The following NRXN1 variants were observed in gnomAD, a reference collection of about 807,000 sequenced individuals.
The protein encoded by NRXN1 is neurexin 1, also known as neurexin-1.
NRXN1 carries 39 observed loss-of-function variants against 150.9 expected under a neutral mutation model. The ratio of observed to expected loss-of-function variants is 0.26; its 90% CI spans 0.20 to 0.34. NRXN1 has a LOEUF of 0.34. NRXN1 is among the 10% of genes least tolerant of loss of function. The pLI is 1.00. For missense variants in NRXN1, 1,815 were observed against 1,949.9 expected (o/e 0.93, Z 1.30); for synonymous variants, 924 against 757.0 (o/e 1.22, Z -3.62).
intron 19 of NRXN1, 36 bp from the exon 20 acceptor site, chr2:50,055,080 T>C (rs760151294): frequency 7.1e-7 from 1 of 1,404,684 alleles, no homozygotes; most frequent in South Asian, 1.3e-5. Context: ...TTGGTTAAAA[T>C]CTGTAAGGTC....
intron 17 of NRXN1, among the ~76,000 whole-genome samples, chr2:50,370,614 T>A (rs372203829): frequency 6.6e-6 from 1 of 152,094 alleles, no homozygotes; most frequent in African/African-American, 2.4e-5. Context: ...TCCTTCTAAA[T>A]TTTTTTCTAT....
At chr2:50,369,541 T>C (rs2079857470) in intron 17 of NRXN1, among the ~76,000 whole-genome samples, 1 of 152,058 alleles carries the variant, frequency 6.6e-6, no homozygotes, top group Non-Finnish European at 1.5e-5. Flanking sequence ...GTCTTCTATA[T>C]TCTGGTAGAA....
chr2:50,759,566 T>C (rs989240949), intron 5 of NRXN1, among the ~76,000 whole-genome samples: 1 of 151,856 alleles, frequency 6.6e-6, no homozygotes, highest in African/African-American at 2.4e-5. Context: ...AGACAATTTA[T>C]AAGAAAAAGC....
chr2:50,270,481 T>C (rs1320472006), intron 17 of NRXN1, among the ~76,000 whole-genome samples: 3 of 152,112 alleles, frequency 2.0e-5, no homozygotes. Flanking sequence ...TGGAGATCTT[T>C]ACTAATTAAA....
chr2:50,662,331 C>A (rs1687415735), intron 5 of NRXN1, among the ~76,000 whole-genome samples: 1 of 151,998 alleles, frequency 6.6e-6, no homozygotes, highest in Non-Finnish European at 1.5e-5. Flanking sequence ...CACATACCCC[C>A]ATTAGGTACC....
intron 5 of NRXN1, among the ~76,000 whole-genome samples, chr2:50,817,051 A>G (rs994015729): frequency 5.9e-5 from 9 of 152,092 alleles, no homozygotes; most frequent in African/African-American, 2.2e-4. Context: ...TGAGGAAGGC[A>G]CCATCTCTCC....
chr2:50,254,756 T>C (rs1360906885), intron 17 of NRXN1, among the ~76,000 whole-genome samples: 1 of 152,198 alleles, frequency 6.6e-6, no homozygotes, highest in Non-Finnish European at 1.5e-5. Context: ...CCTATGAAGA[T>C]GGCAGTAAGA....
chr2:50,593,179 A>G lies in NRXN1; in HGVS notation c.1320+26843T>C, dbSNP rs537397164. Among the ~76,000 whole-genome samples the G allele has an allele frequency of 2.0e-5, 3 of 152,318 alleles. No individual in the cohort carries two copies. The South Asian group carries it at 6.2e-4, about 32-fold the overall frequency. ...TGTGAAACTTATAAACTTAAGCATG[A>G]TTAGGTGAATGAATACTGTGGCGGG... On this transcript the variant is annotated intron_variant, in intron 8 of 22. Coordinates refer to ENST00000401669, the MANE Select transcript of NRXN1 (RefSeq NM_001330078.2).
At chr2:50,362,257 A>C (rs944599589) in intron 17 of NRXN1, among the ~76,000 whole-genome samples, 1 of 152,184 alleles carries the variant, frequency 6.6e-6, no homozygotes, top group Non-Finnish European at 1.5e-5. Context: ...CAGAAAAATC[A>C]GGCAAGAGAA....
chr2:50,848,944 A>T (rs1407820469), intron 5 of NRXN1, among the ~76,000 whole-genome samples: 1 of 152,218 alleles, frequency 6.6e-6, no homozygotes, highest in East Asian at 1.9e-4. Context: ...TAACGAAAGC[A>T]GGTCCCAGGC....
chr2:50,630,950 T>C (rs1412665451), intron 5 of NRXN1: 1 of 342,678 alleles, frequency 2.9e-6, no homozygotes, highest in Non-Finnish European at 5.8e-6. Flanking sequence ...AAAACAACTT[T>C]AGAAAAGCAG....
chr2:50,751,629 G>T (rs1249930048), intron 5 of NRXN1, among the ~76,000 whole-genome samples: 1 of 151,934 alleles, frequency 6.6e-6, no homozygotes, highest in Non-Finnish European at 1.5e-5. Flanking sequence ...TGCTCCTGGG[G>T]CGTGCAAGAC....
intron 17 of NRXN1, among the ~76,000 whole-genome samples, chr2:50,252,258 CTTTTTT>C (rs143522284): frequency 1.4e-5 from 1 of 69,704 alleles, no homozygotes; most frequent in Non-Finnish European, 2.5e-5. Flanking sequence ...TTTTTCTTTT[CTTTTTT>C]TTTTTTTTTT....
chr2:50,772,663 A>G (rs546764832), intron 5 of NRXN1, among the ~76,000 whole-genome samples: 7 of 152,220 alleles, frequency 4.6e-5, no homozygotes, highest in African/African-American at 1.7e-4. Context: ...TCAAATTACA[A>G]CACCTAATTT....
At chr2:51,002,809 G>A (rs1461875649) in intron 2 of NRXN1, among the ~76,000 whole-genome samples, 1 of 151,922 alleles carries the variant, frequency 6.6e-6, no homozygotes, top group African/African-American at 2.4e-5. Context: ...AACTAATAGG[G>A]TGACTTTTTC....
At chr2:50,986,512 A>G (rs933317145) in intron 2 of NRXN1, among the ~76,000 whole-genome samples, 1 of 151,712 alleles carries the variant, frequency 6.6e-6, no homozygotes, top group African/African-American at 2.4e-5. Flanking sequence ...TTTTGAAAAC[A>G]CTGAATATTT....
At chr2:50,219,313 T>C (rs186149073) in intron 18 of NRXN1, among the ~76,000 whole-genome samples, 124 of 151,804 alleles carry the variant, frequency 8.2e-4, no homozygotes, top group Admixed American at 1.4e-3. Flanking sequence ...GTATCTCTTT[T>C]GTGGGGAGAC....
chr2:50,162,355 G>T (rs1032427085), intron 18 of NRXN1, among the ~76,000 whole-genome samples: 2 of 152,084 alleles, frequency 1.3e-5, no homozygotes, highest in Non-Finnish European at 2.9e-5. Flanking sequence ...TATCAAGTCT[G>T]CAATCTCCTA....
chr2:50,242,051 C>T (rs1385638230), intron 17 of NRXN1, among the ~76,000 whole-genome samples: 1 of 151,734 alleles, frequency 6.6e-6, no homozygotes, highest in East Asian at 1.9e-4. Flanking sequence ...TATAATTCTT[C>T]AAATGTCATC....
Sources: allele counts gnomAD v4.1 joint callset (sites outside exome capture counted in the v4.1 genomes callset), GRCh38; gene constraint gnomAD v4.1.1; transcripts MANE v1.5; gene names NCBI Gene and HGNC (gene_info 2026-07-23, HGNC 2026-07-21).